ANO10: variants seen among roughly 807,000 people sequenced by gnomAD.
The protein encoded by ANO10 is anoctamin 10.
Under a neutral mutation model 74.7 loss-of-function variants are expected in ANO10, and 77 were observed. That is an observed-to-expected ratio of 1.03 (90% confidence interval 0.86 to 1.25). ANO10 has a LOEUF of 1.25. ANO10 is among the 50% of genes most tolerant of loss of function. The probability of loss-of-function intolerance (pLI) is 0.00; values close to 1 mark genes in which losing one functional copy is unlikely to be tolerated. For synonymous variants in ANO10, 279 were observed against 284.9 expected (o/e 0.98, Z 0.21); for missense variants, 721 against 778.1 (o/e 0.93, Z 0.87).
intron 12 of ANO10, among the ~76,000 whole-genome samples, chr3:43,421,602 A>G (rs750866906): frequency 2.6e-5 from 4 of 152,164 alleles, no homozygotes; most frequent in Non-Finnish European, 5.9e-5. Context: ...AGGTGGGCAG[A>G]TCACTTGAGC....
chr3:43,540,059 C>A (rs1217190472), intron 11 of ANO10, among the ~76,000 whole-genome samples: 1 of 152,198 alleles, frequency 6.6e-6, no homozygotes, highest in Non-Finnish European at 1.5e-5. Context: ...ACAAGTATTT[C>A]CCATTACTTG....
At chr3:43,452,137 T>C (rs1459325410) in intron 11 of ANO10, among the ~76,000 whole-genome samples, 1 of 152,180 alleles carries the variant, frequency 6.6e-6, no homozygotes, top group African/African-American at 2.4e-5. Flanking sequence ...ATTAGAACAC[T>C]CTCTAGGCTT....
chr3:43,451,399 G>A (rs180672928), intron 11 of ANO10, among the ~76,000 whole-genome samples: 21 of 152,270 alleles, frequency 1.4e-4, no homozygotes, highest in Non-Finnish European at 2.2e-4. Flanking sequence ...CAGCTGAGGC[G>A]TTGTTGCCCA....
chr3:43,381,369 A>G (rs2091953780), intron 12 of ANO10, among the ~76,000 whole-genome samples: 1 of 152,196 alleles, frequency 6.6e-6, no homozygotes. Flanking sequence ...AAAGGGGTGG[A>G]AAAAGATATT....
At chr3:43,604,442 C>A (rs1016800672) in intron 2 of ANO10, among the ~76,000 whole-genome samples, 2 of 151,872 alleles carry the variant, frequency 1.3e-5, no homozygotes, top group African/African-American at 2.4e-5. Context: ...TCAAATCTGA[C>A]AAGTCAATAA....
chr3:43,589,293 T>A (rs1218906243), intron 4 of ANO10, among the ~76,000 whole-genome samples: 1 of 145,704 alleles, frequency 6.9e-6, no homozygotes, highest in Non-Finnish European at 1.5e-5. Flanking sequence ...AACTTCTTAA[T>A]AAAGTAGAAG....
chr3:43,572,522 A>G (rs531860772), intron 7 of ANO10, among the ~76,000 whole-genome samples: 11 of 152,294 alleles, frequency 7.2e-5, no homozygotes, highest in Non-Finnish European at 1.6e-4. Flanking sequence ...GGGAGGCTAT[A>G]ACAACCAGTC....
chr3:43,636,516 A>G (rs569420554), intron 1 of ANO10: 2 of 152,362 alleles, frequency 1.3e-5, no homozygotes, highest in East Asian at 3.9e-4. Flanking sequence ...CACATTCACA[A>G]GTTTTAAGTT....
At chr3:43,475,725 A>C (rs2076041105) in intron 11 of ANO10, among the ~76,000 whole-genome samples, 1 of 152,104 alleles carries the variant, frequency 6.6e-6, no homozygotes, top group Non-Finnish European at 1.5e-5. Context: ...CAGCCTCCGG[A>C]GCAGCCGGGA....
chr3:43,384,056 A>G (rs1575618937), intron 12 of ANO10, among the ~76,000 whole-genome samples: 1 of 152,226 alleles, frequency 6.6e-6, no homozygotes, highest in African/African-American at 2.4e-5. Context: ...GAACTGGTAC[A>G]TGAATTCGGC....
At chr3:43,520,527 C>G (rs919216730) in intron 11 of ANO10, among the ~76,000 whole-genome samples, 1 of 152,116 alleles carries the variant, frequency 6.6e-6, no homozygotes, top group African/African-American at 2.4e-5. Context: ...TATTCTTCCC[C>G]CAATGAATTG....
At chr3:43,402,467 A>G (rs1433724938) in intron 12 of ANO10, among the ~76,000 whole-genome samples, 1 of 152,198 alleles carries the variant, frequency 6.6e-6, no homozygotes, top group Non-Finnish European at 1.5e-5. Flanking sequence ...TGTTCATTGT[A>G]GAGTTGCCTG....
chr3:43,632,969 T>G (rs2149559717), intron 1 of ANO10, among the ~76,000 whole-genome samples: 1 of 152,304 alleles, frequency 6.6e-6, no homozygotes, highest in Non-Finnish European at 1.5e-5. Flanking sequence ...ACAGCAACCT[T>G]TAGATCAAAT....
chr3:43,450,366 C>T (rs1417630007), intron 11 of ANO10, among the ~76,000 whole-genome samples: 1 of 151,948 alleles, frequency 6.6e-6, no homozygotes, highest in Non-Finnish European at 1.5e-5. Context: ...CATAGTGAGA[C>T]CCTATCTCTA....
chr3:43,558,382 T>G (rs1054514577), intron 9 of ANO10, among the ~76,000 whole-genome samples: 1 of 152,046 alleles, frequency 6.6e-6, no homozygotes, highest in African/African-American at 2.4e-5. Context: ...GAGTGGGCAG[T>G]TCACAGGAAA....
chr3:43,630,337 T>C lies in ANO10; in HGVS notation c.-11-24474A>G, dbSNP rs2083533603. Reference sequence around the variant, plus strand: ...AACTGGATGAATTAAAACTCAGCTCTGTACTCTACATGAGAGACACACCTA... The same window carrying C: ...AACTGGATGAATTAAAACTCAGCTCCGTACTCTACATGAGAGACACACCTA... On this transcript the variant is annotated intron_variant, in intron 1 of 3. Coordinates refer to the ANO10 transcript ENST00000413397. Among the ~76,000 whole-genome samples the C allele has an allele frequency of 2.0e-5, 3 of 152,206 alleles. No individual in the cohort carries two copies. The South Asian group carries it at 6.2e-4, about 31-fold the overall frequency.
chr3:43,600,055 A>G (rs565883446), intron 3 of ANO10, among the ~76,000 whole-genome samples: 1 of 152,254 alleles, frequency 6.6e-6, no homozygotes. Context: ...ATAGAATAAT[A>G]TAAGTAAGTT....
At chr3:43,474,215 C>A (rs1250850342) in intron 11 of ANO10, among the ~76,000 whole-genome samples, 1 of 147,062 alleles carries the variant, frequency 6.8e-6, no homozygotes, top group Non-Finnish European at 1.5e-5. Flanking sequence ...TACTTCCCCG[C>A]CCCCCCCAAC....
chr3:43,597,571 A>G (rs1329080479), intron 4 of ANO10, among the ~76,000 whole-genome samples: 4 of 151,884 alleles, frequency 2.6e-5, no homozygotes, highest in African/African-American at 9.6e-5. Flanking sequence ...ATGAGAACAC[A>G]TGGACACAGG....
Sources: gnomAD v4.1 joint callset for allele counts (sites outside exome capture counted in the v4.1 genomes callset) on GRCh38, gnomAD v4.1.1 for gene constraint, MANE v1.5 for transcripts, NCBI Gene and HGNC (gene_info 2026-07-23, HGNC 2026-07-21) for gene names.